The following WDR11 variants were observed in gnomAD, a reference collection of about 807,000 sequenced individuals.
WDR11 encodes WD repeat domain 11.
A neutral mutation model predicts 151.2 loss-of-function variants in WDR11; 83 were observed. That is an observed-to-expected ratio of 0.55 (90% CI 0.46 to 0.66). The LOEUF (loss-of-function observed/expected upper bound fraction) is 0.66, where lower values mean the gene tolerates loss of function less well. Among genes scored for constraint, WDR11 ranks in the 30% least tolerant of loss-of-function variants. WDR11 has a pLI of 0.00. For missense variants in WDR11, 1,301 were observed against 1,480.9 expected (o/e 0.88, Z 1.99); for synonymous variants, 484 against 533.1 (o/e 0.91, Z 1.27).
Position 120,883,847 on chromosome 10 carries a change from C to T in WDR11, c.1807C>T (p.Leu603Phe). 1 of 1,613,438 alleles carries T rather than the reference C, an allele frequency of 6.2e-7. No individual in the cohort carries two copies. The highest frequency in any genetic ancestry group is 8.5e-7 in the Non-Finnish European group (1 of 1,179,602). The change falls in exon 14 of 29, where the codon CTT becomes TTT. Residue 603 changes from leucine (L) to phenylalanine (F), a missense_variant. Physicochemically the swap from Leu to Phe is conservative, Grantham distance 22 (BLOSUM62 0). This residue lies in a region of WDR11 where 692 missense variants were observed against 762.5 expected (regional missense o/e 0.91). Transcript: ENST00000263461. ...ELWDVRTCTLLREMSKNFPTI... is the reference protein window; with the variant it reads ...ELWDVRTCTLFREMSKNFPTI... ...ATGGGATGTTAGGACTTGTACCCTTCTTAGAGAGATGTCCAAAAACTTCCC... is the reference window on the plus strand; with the variant it reads ...ATGGGATGTTAGGACTTGTACCCTTTTTAGAGAGATGTCCAAAAACTTCCC...
At chr10:120,855,273 G>T (rs764490580) in intron 2 of WDR11, among the ~76,000 whole-genome samples, 13 of 152,174 alleles carry the variant, frequency 8.5e-5, no homozygotes, top group African/African-American at 3.1e-4. Flanking sequence ...ATACAGCATG[G>T]ATGTTCTGGA....
chr10:120,853,686 A>C (rs1380466829), intron 2 of WDR11, among the ~76,000 whole-genome samples: 1 of 152,132 alleles, frequency 6.6e-6, no homozygotes, highest in Non-Finnish European at 1.5e-5. Context: ...CATTTAGGAG[A>C]TTTCTGCAGT....
chr10:120,902,366 G>A (rs1424840151), intron 22 of WDR11, 44 bp downstream of exon 22: 1 of 1,548,220 alleles, frequency 6.5e-7, no homozygotes, highest in East Asian at 2.2e-5. Context: ...AGGATTTCAA[G>A]TTAACTCATT....
intron 5 of WDR11, among the ~76,000 whole-genome samples, chr10:120,864,204 C>T (rs1336764521): frequency 6.6e-6 from 1 of 152,106 alleles, no homozygotes; most frequent in Non-Finnish European, 1.5e-5. Context: ...AATAAAGTTA[C>T]TCAAGCTCAC....
intron 19 of WDR11, among the ~76,000 whole-genome samples, chr10:120,894,267 G>C (rs1258718913): frequency 2.6e-5 from 4 of 152,050 alleles, no homozygotes; most frequent in Admixed American, 2.6e-4. Flanking sequence ...AGTGTTAAAG[G>C]CCACTGCTAA....
intron 19 of WDR11, among the ~76,000 whole-genome samples, chr10:120,894,769 A>G (rs2133799990): frequency 6.6e-6 from 1 of 152,372 alleles, no homozygotes; most frequent in African/African-American, 2.4e-5. Context: ...CGTGACAAAC[A>G]GCAATGATGC....
At chr10:120,905,217 A>G in intron 25 of WDR11, 102 bp from the exon 26 acceptor site, 1 of 1,102,612 alleles carries the variant, frequency 9.1e-7, no homozygotes, top group Non-Finnish European at 1.4e-6. Flanking sequence ...TAGGTATAAA[A>G]TGGGCACGAC....
chr10:120,889,256 G>GTTTTGTTTTGTTC, intron 17 of WDR11, 72 bp downstream of exon 17: 1 of 638,060 alleles, frequency 1.6e-6, no homozygotes, highest in Non-Finnish European at 2.3e-6. Context: ...TTGTTTTGTT[G>GTTTTGTTTTGTTC]AGATGGTGTC....
intron 19 of WDR11, 104 bp downstream of exon 19, chr10:120,890,991 A>G (rs1847412621): frequency 6.4e-6 from 8 of 1,250,346 alleles, no homozygotes. Context: ...TTTCAGTCTT[A>G]TTTTCTTAGA....
chr10:120,876,816 C>T (rs768809049), intron 11 of WDR11, among the ~76,000 whole-genome samples: 4 of 152,156 alleles, frequency 2.6e-5, no homozygotes, highest in Non-Finnish European at 5.9e-5. Context: ...ATTGTATTTC[C>T]AGTCTACAGA....
intron 14 of WDR11, among the ~76,000 whole-genome samples, chr10:120,885,439 G>A (rs1423841604): frequency 2.0e-5 from 3 of 152,058 alleles, no homozygotes; most frequent in Admixed American, 2.0e-4. Flanking sequence ...AATAAAACAA[G>A]TGATTTTGGA....
At chr10:120,885,522 G>A (rs1446390968) in intron 14 of WDR11, among the ~76,000 whole-genome samples, 1 of 152,016 alleles carries the variant, frequency 6.6e-6, no homozygotes, top group African/African-American at 2.4e-5. Flanking sequence ...AAGAGATGGG[G>A]GAGGAGACGA....
rs60137682 is a variant in WDR11, at chr10:120,903,510, CA to C, written c.2931+291del. Among the ~76,000 whole-genome samples the C allele has an allele frequency of 0.4, 50,763 of 125,776 alleles. 8,644 individuals carry two copies. Among genetic ancestry groups the C allele is most frequent in the Admixed American group, 0.48 (6,087 of 12,736 alleles). The allele number at this position is 125,776 out of a possible 152,430, so 82.5% of individuals were successfully genotyped here. A position where few individuals can be genotyped will look rare whatever the true frequency, so the allele number is the denominator to read the frequency against. ...GGGCAACAGAGCAAGACTCTGTCTC[CA>C]AAAAAAAAAAAAGAAAGAAAAGAAA... On this transcript the variant is annotated intron_variant, in intron 23 of 28. Coordinates refer to ENST00000263461, the MANE Select transcript of WDR11 (RefSeq NM_018117.12).
chr10:120,905,996 T>A lies in WDR11; in HGVS notation c.3412T>A (p.Phe1138Ile), dbSNP rs1848026207. ...GGTTCTCCTCTCTCTGGGCTGCTTT[T>A]TTAGCGTGGCAGAGACGCTTCACAG... Reference protein sequence around the residue: ...LLVLLSLGCFFSVAETLHSMR... With the variant: ...LLVLLSLGCFISVAETLHSMR... The change falls in exon 27 of 29, where the codon TTT (phenylalanine) becomes ATT (isoleucine). Residue 1138 changes from phenylalanine to isoleucine, a missense_variant. Physicochemically the swap from Phe to Ile is conservative, Grantham distance 21. Transcript: ENST00000263461. The A allele has an allele frequency of 6.2e-7, 1 of 1,613,972 alleles. No homozygotes were observed. The highest frequency in any genetic ancestry group is 1.7e-5 in the Admixed American group (1 of 60,018).
intron 10 of WDR11, among the ~76,000 whole-genome samples, chr10:120,872,174 C>A (rs542608007): frequency 6.6e-6 from 1 of 152,156 alleles, no homozygotes; most frequent in Non-Finnish European, 1.5e-5. Flanking sequence ...GTTAAAGACT[C>A]ATTTGGGTAT....
intron 13 of WDR11, among the ~76,000 whole-genome samples, chr10:120,881,162 A>G (rs1846992966): frequency 6.6e-6 from 1 of 152,332 alleles, no homozygotes; most frequent in South Asian, 2.1e-4. Context: ...ATGTACTTCT[A>G]TCTAAGCATG....
chr10:120,865,643 T>A lies in WDR11; in HGVS notation c.893T>A (p.Phe298Tyr). Reference protein sequence around the residue: ...GVPFLQVIPCFQRDGLFCLHE... With the variant: ...GVPFLQVIPCYQRDGLFCLHE... ...ATCTATTTAAAGGTAATACCCTGCT[T>A]TCAGCGTGATGGTTTATTTTGTCTA... Residue 298 changes from phenylalanine (F) to tyrosine (Y), a missense_variant, in exon 7 of 29, where the codon TTT becomes TAT. Transcript: ENST00000263461. 2 of 1,609,000 alleles carry A rather than the reference T, an allele frequency of 1.2e-6. No individual in the cohort carries two copies. Among genetic ancestry groups the A allele is most frequent in the Non-Finnish European group, 1.7e-6 (2 of 1,177,614 alleles).
intron 12 of WDR11, 29 bp from the exon 13 acceptor site, chr10:120,880,797 C>G (rs765751444): frequency 5.7e-6 from 9 of 1,573,306 alleles, no homozygotes; most frequent in Non-Finnish European, 3.5e-6. Context: ...ATGCACTGTT[C>G]TCACTTTTTT....
At chr10:120,857,106 C>T (rs1003779423) in intron 2 of WDR11, among the ~76,000 whole-genome samples, 1 of 151,468 alleles carries the variant, frequency 6.6e-6, no homozygotes, top group African/African-American at 2.4e-5. Context: ...GTATTTTTTG[C>T]AAGACACATC....
Sources: gnomAD v4.1 joint callset for allele counts (sites outside exome capture counted in the v4.1 genomes callset) on GRCh38, gnomAD v4.1.1 for gene constraint, gnomAD v4.1.1 regional missense constraint, MANE v1.5 for transcripts, NCBI Gene and HGNC (gene_info 2026-07-23, HGNC 2026-07-21) for gene names.